ITGB6: variants seen among roughly 807,000 people sequenced by gnomAD.
The protein encoded by ITGB6 is integrin subunit beta 6.
ITGB6 carries 80 observed loss-of-function variants against 84.5 expected under a neutral mutation model. The ratio of observed to expected loss-of-function variants is 0.95; its 90% confidence interval spans 0.79 to 1.14. The LOEUF (loss-of-function observed/expected upper bound fraction) is 1.14, where lower values mean the gene tolerates loss of function less well. Among genes scored for constraint, ITGB6 ranks in the 50% most tolerant of loss-of-function variants. ITGB6 has a pLI of 0.00. For synonymous variants in ITGB6, 383 were observed against 354.9 expected (o/e 1.08, Z -0.89); for missense variants, 1,006 against 968.0 (o/e 1.04, Z -0.52).
chr2:160,112,246 A>G (rs761908981), intron 12 of ITGB6, 47 bp from the exon 13 acceptor site: 1 of 1,551,568 alleles, frequency 6.4e-7, no homozygotes, highest in Non-Finnish European at 8.8e-7. Context: ...ATTCCAAAAG[A>G]GATTGTTTTT....
chr2:160,169,174 A>G lies in ITGB6; in HGVS notation c.1017+38T>C, dbSNP rs7608557. 0.074 allele frequency: 86,956 copies of G among 1,182,564 alleles called. 8,346 individuals carry two copies. Among genetic ancestry groups the G allele is most frequent in the East Asian group, 0.44 (18,775 of 42,330 alleles). 73.3% of individuals were successfully genotyped at this position (1,182,564 alleles called of 1,614,324 possible). On this transcript the variant is annotated intron_variant, in intron 7 of 14. Coordinates refer to ENST00000283249, the MANE Select transcript of ITGB6 (RefSeq NM_000888.5). The stretch of plus-strand genomic sequence containing the variant: ...TAATGTTAAAGTTTCATGTCACATA[A>G]TCTCCTTGAAGGAATTTCCCAAGTT...
intron 7 of ITGB6, among the ~76,000 whole-genome samples, chr2:160,148,967 C>T (rs1016584062): frequency 6.6e-6 from 1 of 152,222 alleles, no homozygotes; most frequent in Non-Finnish European, 1.5e-5. Flanking sequence ...GGGTGGAGCC[C>T]ACCACAGCTC....
intron 7 of ITGB6, among the ~76,000 whole-genome samples, chr2:160,159,133 C>A (rs977837971): frequency 2.0e-5 from 3 of 152,060 alleles, no homozygotes; most frequent in African/African-American, 4.8e-5. Flanking sequence ...ACTCTCAGGC[C>A]CCAGCCCAGA....
chr2:160,180,129 CA>C lies in ITGB6; in HGVS notation c.594-5991del, dbSNP rs1157365044. On this transcript the variant is annotated intron_variant, in intron 4 of 14. Transcript: ENST00000283249. ...ACTCCACCTCAAAAAAAAAAAAAAA[CA>C]AACAAAAAAAACAACCTTCAGAATG... Among the ~76,000 whole-genome samples the C allele has an allele frequency of 9.3e-3, 1,290 of 138,394 alleles. 17 individuals carry two copies. Among genetic ancestry groups the C allele is most frequent in the African/African-American group, 0.033 (1,199 of 36,230 alleles). The allele number at this position is 138,394 out of a possible 152,430, so 90.8% of individuals were successfully genotyped here. A position where few individuals can be genotyped will look rare whatever the true frequency, so the allele number is the denominator to read the frequency against.
intron 4 of ITGB6, among the ~76,000 whole-genome samples, chr2:160,180,345 C>G (rs748267612): frequency 6.6e-6 from 1 of 152,192 alleles, no homozygotes; most frequent in Non-Finnish European, 1.5e-5. Context: ...TGGACACTCT[C>G]TATGTTGCCC....
At position 160,174,033 on chromosome 2, in the gene ITGB6, C is replaced by A; in HGVS notation, c.700G>T (p.Ala234Ser). 6.2e-7 allele frequency: 1 copy of A among 1,613,742 alleles called. No homozygotes were observed. Among genetic ancestry groups the A allele is most frequent in the Non-Finnish European group, 8.5e-7 (1 of 1,179,900 alleles). Residue 234 changes from alanine (A) to serine (S), a missense_variant, in exon 5 of 15, where the codon GCT becomes TCT. Transcript: ENST00000283249. ...NEIVKNQKIS[A>S]NIDTPEGGFD... ...CCACCTTCGGGTGTGTCAATATTAG[C>A]AGAAATTTTCTGATTCTTCACAATT...
intron 7 of ITGB6, among the ~76,000 whole-genome samples, chr2:160,164,030 G>T (rs966728173): frequency 9.2e-5 from 14 of 152,176 alleles, no homozygotes; most frequent in Non-Finnish European, 1.5e-4. Flanking sequence ...TTAATTTGCT[G>T]CTCCTTATAG....
intron 14 of ITGB6, among the ~76,000 whole-genome samples, chr2:160,102,108 T>C (rs1696744980): frequency 6.6e-6 from 1 of 152,200 alleles, no homozygotes. Context: ...GCTTCAGCTG[T>C]TGTGCTCACT....
At chr2:160,171,630 G>C (rs1357059030) in intron 6 of ITGB6, among the ~76,000 whole-genome samples, 1 of 152,120 alleles carries the variant, frequency 6.6e-6, no homozygotes, top group South Asian at 2.1e-4. Context: ...CAACGTGCCC[G>C]GCCTCTATTT....
intron 2 of ITGB6, among the ~76,000 whole-genome samples, chr2:160,197,617 G>T (rs1348308227): frequency 6.6e-6 from 1 of 152,204 alleles, no homozygotes; most frequent in Non-Finnish European, 1.5e-5. Flanking sequence ...AACTAGGAAA[G>T]TTAGATTTCT....
intron 10 of ITGB6, among the ~76,000 whole-genome samples, chr2:160,136,927 G>C (rs1370619028): frequency 6.6e-6 from 1 of 151,916 alleles, no homozygotes; most frequent in Non-Finnish European, 1.5e-5. Context: ...GGGAGGGATA[G>C]CATTAGGAGA....
At chr2:160,145,794 C>A (rs910272921) in intron 7 of ITGB6, among the ~76,000 whole-genome samples, 4 of 152,122 alleles carry the variant, frequency 2.6e-5, no homozygotes, top group Non-Finnish European at 5.9e-5. Context: ...CTGTTGAGGA[C>A]CTTGCAGAGC....
chr2:160,118,324 G>C (rs1320802638), intron 12 of ITGB6, among the ~76,000 whole-genome samples: 1 of 152,198 alleles, frequency 6.6e-6, no homozygotes, highest in Non-Finnish European at 1.5e-5. Context: ...CCATGATCAA[G>C]TGGGCTTCAT....
intron 7 of ITGB6, among the ~76,000 whole-genome samples, chr2:160,148,248 C>T (rs1254266907): frequency 6.6e-6 from 1 of 152,148 alleles, no homozygotes; most frequent in Non-Finnish European, 1.5e-5. Context: ...AATTAAACAA[C>T]AATGAAATAC....
At chr2:160,173,722 C>T (rs1401950047) in intron 5 of ITGB6, among the ~76,000 whole-genome samples, 1 of 151,858 alleles carries the variant, frequency 6.6e-6, no homozygotes, top group Admixed American at 6.6e-5. Flanking sequence ...TCATGCATAG[C>T]TATTGTTTCA....
At chr2:160,171,190 T>C (rs1685184967) in intron 6 of ITGB6, among the ~76,000 whole-genome samples, 1 of 152,038 alleles carries the variant, frequency 6.6e-6, no homozygotes, top group African/African-American at 2.4e-5. Flanking sequence ...CGTCTCCCTC[T>C]TTCTCTCCCC....
intron 4 of ITGB6, among the ~76,000 whole-genome samples, chr2:160,194,949 G>A (rs886789141): frequency 6.6e-6 from 1 of 152,186 alleles, no homozygotes; most frequent in Non-Finnish European, 1.5e-5. Flanking sequence ...TATTTTGCCA[G>A]AAGTCATTGT....
At position 160,100,823 on chromosome 2, in the gene ITGB6, T is replaced by C. The variant is rs1696687151; in HGVS notation, c.*913A>G. ...GAGCCATTTAAAATTTTATTGTGTT[T>C]AACACATGTTCCTTTTATATTATTG... is the stretch of plus-strand genomic sequence containing the variant. On this transcript the variant is annotated 3_prime_UTR_variant, in exon 15 of 15. Coordinates refer to ENST00000283249, the MANE Select transcript of ITGB6 (RefSeq NM_000888.5). The C allele has an allele frequency of 1.3e-5, 2 of 152,228 alleles. No individual in the cohort carries two copies. The highest frequency in any genetic ancestry group is 2.9e-5 in the Non-Finnish European group (2 of 68,032). The allele number at this position is 152,228 out of a possible 1,614,324, so 9.4% of individuals were successfully genotyped here.
chr2:160,119,302 T>G (rs1682926509), intron 12 of ITGB6, among the ~76,000 whole-genome samples: 1 of 152,168 alleles, frequency 6.6e-6, no homozygotes, highest in African/African-American at 2.4e-5. Context: ...AGCATGGTAC[T>G]GGTACCAAAA....
Sources: allele counts gnomAD v4.1 joint callset (sites outside exome capture counted in the v4.1 genomes callset), GRCh38; gene constraint gnomAD v4.1.1; transcripts MANE v1.5; gene names NCBI Gene and HGNC (gene_info 2026-07-23, HGNC 2026-07-21).